C6: variants seen among roughly 807,000 people sequenced by gnomAD.
The protein encoded by C6 is complement component C6.
In C6, 101 loss-of-function variants were observed where a neutral mutation model predicts 112.9. The observed-to-expected ratio is 0.89, with a 90% CI of 0.76 to 1.06. C6 has a LOEUF of 1.06. C6 is among the 50% of genes least tolerant of loss of function. C6 has a pLI of 0.00. For missense variants in C6, 1,202 were observed against 1,104.6 expected (o/e 1.09, Z -1.25); for synonymous variants, 431 against 384.1 (o/e 1.12, Z -1.43).
chr5:41,234,152 G>T (rs567099051), intron 1 of C6, among the ~76,000 whole-genome samples: 14 of 151,908 alleles, frequency 9.2e-5, no homozygotes, highest in East Asian at 1.9e-4. Flanking sequence ...TTTCCAGGTG[G>T]ATCTCACATT....
At chr5:41,163,744 C>A (rs1561114874) in intron 9 of C6, among the ~76,000 whole-genome samples, 2 of 152,146 alleles carry the variant, frequency 1.3e-5, no homozygotes, top group Non-Finnish European at 2.9e-5. Flanking sequence ...TTGAATAATA[C>A]ATTTCTACAA....
chr5:41,196,746 C>CTAGA (rs1750650197), intron 4 of C6, among the ~76,000 whole-genome samples: 1 of 151,790 alleles, frequency 6.6e-6, no homozygotes, highest in African/African-American at 2.4e-5. Flanking sequence ...AGTTAAGTGT[C>CTAGA]TAGATACTAC....
intron 8 of C6, among the ~76,000 whole-genome samples, chr5:41,174,750 G>T (rs1201711433): frequency 2.0e-5 from 3 of 152,096 alleles, no homozygotes. Context: ...AACAACAGGG[G>T]ATATAATTCT....
chr5:41,142,739 C>G lies in C6; in HGVS notation c.*86G>C. On this transcript the variant is annotated 3_prime_UTR_variant, in exon 18 of 18. Transcript: ENST00000337836. ...CAGTAACTTTGAGCATGCCAGTCTGCTGTTTGTGCAAGAATTCTCATTTGT... is the reference window on the plus strand; with the variant it reads ...CAGTAACTTTGAGCATGCCAGTCTGGTGTTTGTGCAAGAATTCTCATTTGT... 2 of 1,036,270 alleles carry G rather than the reference C, an allele frequency of 1.9e-6. No homozygotes were observed. The highest frequency in any genetic ancestry group is 2.5e-5 in the South Asian group (2 of 79,340). 64.2% of individuals were successfully genotyped at this position (1,036,270 alleles called of 1,614,324 possible).
At chr5:41,147,456 T>C (rs901305518) in intron 17 of C6, among the ~76,000 whole-genome samples, 2 of 152,182 alleles carry the variant, frequency 1.3e-5, no homozygotes, top group Admixed American at 1.3e-4. Flanking sequence ...TGTTTCAATC[T>C]TGTGGCCTGT....
rs1001059208 is a variant in C6 at position 41,181,946 on chromosome 5, T to C, written c.727-387A>G. ...GATGCAGTGTGCAGTCTAACTAAGA[T>C]ACTTTTCAGTTCTGACAACTGGGCT... On this transcript the variant is annotated intron_variant, in intron 6 of 17. Coordinates refer to ENST00000337836, the MANE Select transcript of C6 (RefSeq NM_000065.5). Among the ~76,000 whole-genome samples the C allele has an allele frequency of 2.0e-5, 3 of 152,214 alleles. No individual in the cohort carries two copies. In the East Asian group the frequency reaches 5.8e-4, roughly 29 times the overall value.
At chr5:41,231,173 T>C (rs1214343906) in intron 1 of C6, among the ~76,000 whole-genome samples, 1 of 152,186 alleles carries the variant, frequency 6.6e-6, no homozygotes, top group African/African-American at 2.4e-5. Flanking sequence ...GCTACTCTTT[T>C]AATTGGAGAA....
At position 41,203,170 on chromosome 5, in the gene C6, C is replaced by A. The variant is rs751091301; in HGVS notation, c.61G>T (p.Ala21Ser). The change falls in exon 2 of 18, where the codon GCC (alanine) becomes TCC (serine). Residue 21 changes from alanine (A) to serine (S), a missense_variant. Physicochemically the swap from Ala to Ser is moderately conservative, Grantham distance 99. Transcript: ENST00000337836. ...CATGCATAGTGATCACAGAAGCAGG[C>A]TTGGCCCTTGTTGATCAGAGCATTC... ...LLNALINKGQ[A>S]CFCDHYAWTQ... 1.2e-6 allele frequency: 2 copies of A among 1,614,076 alleles called. No individual in the cohort carries two copies. Among genetic ancestry groups the A allele is most frequent in the East Asian group, 4.5e-5 (2 of 44,874 alleles).
intron 1 of C6, among the ~76,000 whole-genome samples, chr5:41,241,353 A>T (rs1026746495): frequency 6.6e-6 from 1 of 152,126 alleles, no homozygotes; most frequent in East Asian, 1.9e-4. Flanking sequence ...GAGCTTATAT[A>T]AGCTGGCGCT....
At chr5:41,222,070 G>A (rs1739205298) in intron 1 of C6, among the ~76,000 whole-genome samples, 1 of 151,448 alleles carries the variant, frequency 6.6e-6, no homozygotes, top group Non-Finnish European at 1.5e-5. Context: ...GGAGGCTGAG[G>A]CAGAAGAATT....
In C6 at chr5:41,203,220, C is replaced by A. The variant is rs146127832; in HGVS notation, c.11G>T (p.Arg4Leu). 1,058 of 1,614,080 alleles carry A rather than the reference C, an allele frequency of 6.6e-4. 10 individuals carry two copies. The African/African-American group carries it at 0.013, about 19-fold the overall frequency. MAR[R>L]SVLYFILLNA... Reference sequence around the variant, plus strand: ...CAGCAGGATGAAGTACAAGACAGAGCGTCTGGCCATGCCTTGAGAGCCTCC... The same window carrying A: ...CAGCAGGATGAAGTACAAGACAGAGAGTCTGGCCATGCCTTGAGAGCCTCC... Residue 4 changes from arginine to leucine, a missense_variant, in exon 2 of 18, where the codon CGC becomes CTC. Transcript: ENST00000337836.
chr5:41,244,156 T>G (rs1740888959), intron 1 of C6, among the ~76,000 whole-genome samples: 1 of 152,224 alleles, frequency 6.6e-6, no homozygotes, highest in Non-Finnish European at 1.5e-5. Context: ...AAATAAAGTT[T>G]TATAATAAAG....
chr5:41,172,464 C>T (rs1221036342), intron 8 of C6, 117 bp from the exon 9 acceptor site: 6 of 964,780 alleles, frequency 6.2e-6, no homozygotes, highest in Non-Finnish European at 6.5e-6. Context: ...CCCTCTCTTC[C>T]CCAGTCCCCA....
At chr5:41,249,338 A>G (rs148834300) in intron 1 of C6, among the ~76,000 whole-genome samples, 3 of 152,346 alleles carry the variant, frequency 2.0e-5, no homozygotes, top group African/African-American at 7.2e-5. Flanking sequence ...TAAAAACATA[A>G]CAATAATACC....
intron 1 of C6, among the ~76,000 whole-genome samples, chr5:41,251,627 G>T (rs1355386212): frequency 6.6e-6 from 1 of 152,170 alleles, no homozygotes; most frequent in Non-Finnish European, 1.5e-5. Context: ...CTTACACTAA[G>T]AAGTTTCTCC....
intron 1 of C6, among the ~76,000 whole-genome samples, chr5:41,231,867 C>A (rs984975168): frequency 1.9e-4 from 29 of 150,426 alleles, no homozygotes; most frequent in African/African-American, 7.0e-4. Flanking sequence ...ATAAGAATTT[C>A]TTTAATATAC....
In C6 at chr5:41,186,069, C is replaced by T. The variant is rs750609761; in HGVS notation, c.726+1G>A. 1 of 1,613,896 alleles carries T rather than the reference C, an allele frequency of 6.2e-7. No homozygotes were observed. The highest frequency in any genetic ancestry group is 8.5e-7 in the Non-Finnish European group (1 of 1,179,882). On this transcript the variant is annotated splice_donor_variant, in intron 6 of 17. Coordinates refer to ENST00000337836, the MANE Select transcript of C6 (RefSeq NM_000065.5). LOFTEE classifies it high-confidence loss of function. ...GTTGCCACCATGCTAGGCTGTCATA[C>T]CTCAAAGCCGACATTTTCCAGATTG...
In C6 at chr5:41,153,841, TGGTGTCC is replaced by T; in HGVS notation, c.2252_2258del (p.Trp751TyrfsTer14). ...CACAGGTGAGAGAGTTTGAAATGGG[TGGTGTCC>T]AGGAATTCCCCTGGCATGTGTACCT... On this transcript the variant is annotated frameshift_variant, in exon 15 of 18. Coordinates refer to ENST00000337836, the MANE Select transcript of C6 (RefSeq NM_000065.5). LOFTEE classifies it high-confidence loss of function. 6.2e-7 allele frequency: 1 copy of T among 1,613,262 alleles called. No homozygotes were observed. Among genetic ancestry groups the T allele is most frequent in the South Asian group, 1.1e-5 (1 of 91,048 alleles).
rs1193041480 is a variant in C6, at chr5:41,160,145, A to T, written c.1681T>A (p.Ser561Thr). Residue 561 changes from serine to threonine, a missense_variant, in exon 11 of 18, where the codon TCC becomes ACC. Physicochemically the swap from Ser to Thr is moderately conservative, Grantham distance 58. Coordinates refer to ENST00000337836, the MANE Select transcript of C6 (RefSeq NM_000065.5). ...ACAATAGATTCCTGATACTTACTGG[A>T]TTTATAATCTGGAGACTGTTTCTCA... is the stretch of plus-strand genomic sequence containing the variant. The part of the protein sequence containing the change: ...NCEKQSPDYK[S>T]NAVDGQWGCW... 1.2e-6 allele frequency: 2 copies of T among 1,607,954 alleles called. No individual in the cohort carries two copies. Among genetic ancestry groups the T allele is most frequent in the Admixed American group, 3.3e-5 (2 of 59,952 alleles).
Sources: allele counts gnomAD v4.1 joint callset (sites outside exome capture counted in the v4.1 genomes callset), GRCh38; gene constraint gnomAD v4.1.1; transcripts MANE v1.5; gene names NCBI Gene and HGNC (gene_info 2026-07-23, HGNC 2026-07-21).